Variants in EYS observed in about 807,000 individuals in gnomAD.
EYS encodes protein eyes shut homolog.
A neutral mutation model predicts 282.1 loss-of-function variants in EYS; 250 were observed. That is an observed-to-expected ratio of 0.89 (90% CI 0.80 to 0.98). The LOEUF is 0.98. EYS is among the 50% of genes least tolerant of loss of function. EYS has a pLI of 0.00. For missense variants in EYS, 4,016 were observed against 3,709.0 expected, an observed-to-expected ratio of 1.08 and a Z score of -2.15; for synonymous variants, 1,355 against 1,282.9, an observed-to-expected ratio of 1.06 and a Z score of -1.20.
Position 63,847,534 on chromosome 6 carries a change from T to C in EYS, c.7228+16652A>G, listed in dbSNP as rs150876615. ...GAGAAGCCAGTGGTAAAGTCACTAATAATATACATAAGCCAAGAGATTATT... is the reference window on the plus strand; with the variant it reads ...GAGAAGCCAGTGGTAAAGTCACTAACAATATACATAAGCCAAGAGATTATT... On this transcript the variant is annotated intron_variant, in intron 36 of 42. Coordinates refer to ENST00000503581, the MANE Select transcript of EYS (RefSeq NM_001142800.2). Among the ~76,000 whole-genome samples the C allele has an allele frequency of 2.0e-5, 3 of 152,310 alleles. No homozygotes were observed. The East Asian group carries it at 5.8e-4, about 29-fold the overall frequency.
At chr6:65,635,526 C>G (rs1441366323) in intron 2 of EYS, among the ~76,000 whole-genome samples, 4 of 152,084 alleles carry the variant, frequency 2.6e-5, no homozygotes, top group Non-Finnish European at 5.9e-5. Context: ...ATTGCCCAGG[C>G]TTGTATCAAA....
At chr6:64,322,328 T>C (rs537243110) in intron 29 of EYS, among the ~76,000 whole-genome samples, 25 of 152,140 alleles carry the variant, frequency 1.6e-4, no homozygotes, top group Admixed American at 4.6e-4. Context: ...TGGTGCAATA[T>C]CATGTTAGTA....
chr6:65,268,323 G>T (rs142690701), intron 12 of EYS, among the ~76,000 whole-genome samples: 25 of 152,030 alleles, frequency 1.6e-4, no homozygotes, highest in Non-Finnish European at 2.8e-4. Flanking sequence ...TTTGGTTGTA[G>T]ATCATATGAT....
chr6:64,686,542 C>A (rs1210743121), intron 22 of EYS, among the ~76,000 whole-genome samples: 1 of 150,598 alleles, frequency 6.6e-6, no homozygotes, highest in Non-Finnish European at 1.5e-5. Context: ...GAGATCGAGA[C>A]CATCCTGGTT....
At chr6:65,228,488 A>T (rs2150265573) in intron 12 of EYS, among the ~76,000 whole-genome samples, 1 of 152,156 alleles carries the variant, frequency 6.6e-6, no homozygotes, top group South Asian at 2.1e-4. Flanking sequence ...GTGGTCATGG[A>T]TCATTAATAA....
At chr6:64,214,038 C>A (rs1380631103) in intron 31 of EYS, among the ~76,000 whole-genome samples, 4 of 152,064 alleles carry the variant, frequency 2.6e-5, no homozygotes, top group Admixed American at 2.6e-4. Flanking sequence ...CTTTTTATCA[C>A]CTCTACAAAA....
chr6:63,817,690 C>T (rs1490550612), intron 36 of EYS, among the ~76,000 whole-genome samples: 1 of 152,242 alleles, frequency 6.6e-6, no homozygotes, highest in East Asian at 1.9e-4. Context: ...TGGAACTGGT[C>T]ATAAGGCCAC....
chr6:64,926,421 G>A (rs1394815719), intron 15 of EYS, among the ~76,000 whole-genome samples: 4 of 152,170 alleles, frequency 2.6e-5, no homozygotes, highest in Non-Finnish European at 5.9e-5. Context: ...GAGCATGCAG[G>A]ATAATTTCTA....
intron 13 of EYS, among the ~76,000 whole-genome samples, chr6:65,046,717 A>C (rs1465616554): frequency 1.3e-5 from 2 of 151,924 alleles, no homozygotes; most frequent in African/African-American, 4.8e-5. Flanking sequence ...CATACAGGAA[A>C]ATGTATATTC....
intron 19 of EYS, among the ~76,000 whole-genome samples, chr6:64,864,667 A>T (rs1229697013): frequency 6.6e-6 from 1 of 151,216 alleles, no homozygotes; most frequent in Non-Finnish European, 1.5e-5. Flanking sequence ...TACAAGCGTG[A>T]GCCACTGTGT....
chr6:65,477,416 C>G (rs1369081131), intron 5 of EYS, among the ~76,000 whole-genome samples: 1 of 152,128 alleles, frequency 6.6e-6, no homozygotes, highest in Non-Finnish European at 1.5e-5. Context: ...TACACTTTAC[C>G]AGCAGAAATT....
At chr6:64,486,421 T>C (rs1207305230) in intron 26 of EYS, among the ~76,000 whole-genome samples, 1 of 151,426 alleles carries the variant, frequency 6.6e-6, no homozygotes, top group African/African-American at 2.4e-5. Context: ...TCAAGGGATT[T>C]TGAATAATAG....
chr6:65,325,833 T>G (rs1769603510), intron 11 of EYS, among the ~76,000 whole-genome samples: 4 of 152,144 alleles, frequency 2.6e-5, no homozygotes, highest in Admixed American at 2.6e-4. Context: ...TATTTCAATC[T>G]TTCACTTGGT....
At chr6:64,306,405 T>G (rs1293694507) in intron 30 of EYS, among the ~76,000 whole-genome samples, 1 of 152,146 alleles carries the variant, frequency 6.6e-6, no homozygotes, top group Non-Finnish European at 1.5e-5. Flanking sequence ...CTGAGTTCCC[T>G]CTTAATAACA....
intron 32 of EYS, among the ~76,000 whole-genome samples, chr6:64,070,252 TACTC>T (rs1457608384): frequency 6.6e-6 from 1 of 152,160 alleles, no homozygotes; most frequent in Non-Finnish European, 1.5e-5. Context: ...ATGGATGTTT[TACTC>T]AGTCATAATT....
intron 35 of EYS, among the ~76,000 whole-genome samples, chr6:63,948,223 T>A (rs545486267): frequency 2.7e-4 from 41 of 152,340 alleles, no homozygotes; most frequent in African/African-American, 9.9e-4. Flanking sequence ...ACTTGCGATC[T>A]GTCCTTTCTT....
chr6:65,279,604 GCAGT>G (rs1180661044), intron 12 of EYS, among the ~76,000 whole-genome samples: 2 of 151,980 alleles, frequency 1.3e-5, no homozygotes, highest in African/African-American at 4.8e-5. Flanking sequence ...TGTCTGACAA[GCAGT>G]AAGTATAACA....
intron 12 of EYS, among the ~76,000 whole-genome samples, chr6:65,234,751 A>G (rs956863194): frequency 3.3e-5 from 5 of 152,200 alleles, no homozygotes; most frequent in African/African-American, 1.2e-4. Flanking sequence ...AAATATGTAC[A>G]AAGTGTTTGT....
At chr6:63,874,778 T>C (rs2170545) in intron 35 of EYS, among the ~76,000 whole-genome samples, 73,554 of 152,022 alleles carry the variant, frequency 0.48, 18,817 homozygotes, top group African/African-American at 0.63. Context: ...TGTTTGTCTG[T>C]TATTGGTATA....
Sources: allele counts gnomAD v4.1 joint callset (sites outside exome capture counted in the v4.1 genomes callset), GRCh38; gene constraint gnomAD v4.1.1; transcripts MANE v1.5; gene names NCBI Gene and HGNC (gene_info 2026-07-23, HGNC 2026-07-21).